CACNA1H: variants seen among roughly 807,000 people sequenced by gnomAD.
The protein encoded by CACNA1H is calcium voltage-gated channel subunit alpha1 H.
Under a neutral mutation model 192.5 loss-of-function variants are expected in CACNA1H, and 149 were observed. The ratio of observed to expected loss-of-function variants is 0.77; its 90% confidence interval spans 0.68 to 0.89. The LOEUF (loss-of-function observed/expected upper bound fraction) is 0.89, where lower values mean the gene tolerates loss of function less well. Among genes scored for constraint, CACNA1H ranks in the 40% least tolerant of loss-of-function variants. CACNA1H has a pLI of 0.00. For missense variants in CACNA1H, 4,257 were observed against 3,423.5 expected (o/e 1.24, Z -6.08); for synonymous variants, 2,202 against 1,475.2 (o/e 1.49, Z -11.29).
At position 1,219,253 on chromosome 16, in the gene CACNA1H, T is replaced by A. The variant is rs952014896; in HGVS notation, c.6048+123T>A. On this transcript the variant is annotated intron_variant, in intron 34 of 34. Transcript: ENST00000348261. ...CAGGAGGAGGGTCGCACTGGGTCCT[T>A]GGGGCTCCGAAGGTTTCTGCCTGCT... 6.2e-6 allele frequency: 6 copies of A among 974,730 alleles called. No individual in the cohort carries two copies. In the African/African-American group the frequency reaches 9.9e-5, roughly 16 times the overall value. The allele number at this position is 974,730 out of a possible 1,614,324, so 60.4% of individuals were successfully genotyped here. A position where few individuals can be genotyped will look rare whatever the true frequency, so the allele number is the denominator to read the frequency against.
chr16:1,174,929 C>T (rs975760355), intron 2 of CACNA1H, among the ~76,000 whole-genome samples: 4 of 120,214 alleles, frequency 3.3e-5, no homozygotes, highest in African/African-American at 1.3e-4. Context: ...TCACCCCCAA[C>T]CCCCACGTCC....
chr16:1,186,036 GTA>G, intron 2 of CACNA1H, among the ~76,000 whole-genome samples: 1 of 128,382 alleles, frequency 7.8e-6, no homozygotes, highest in South Asian at 2.3e-4. Context: ...GGCGGGGTGT[GTA>G]CGGGGCGGGT....
Position 1,153,919 on chromosome 16 carries a change from A to G in CACNA1H, c.182A>G (p.Glu61Gly). 6.9e-7 allele frequency: 1 copy of G among 1,454,064 alleles called. No homozygotes were observed. 90.1% of individuals were successfully genotyped at this position (1,454,064 alleles called of 1,614,324 possible). A position where few individuals can be genotyped will look rare whatever the true frequency, so the allele number is the denominator to read the frequency against. ...AGCCCGGCGGCCGAGCGCGGCGCGG[A>G]GCTGGGTGCCGACGAGGAGCAGCGC... Reference protein sequence around the residue: ...SESPAAERGAELGADEEQRVP... With the variant: ...SESPAAERGAGLGADEEQRVP... The change falls in exon 2 of 35, where the codon GAG becomes GGG. Residue 61 changes from glutamate (E) to glycine (G), a missense_variant. Coordinates refer to ENST00000348261, the MANE Select transcript of CACNA1H (RefSeq NM_021098.3).
rs1338943245 is a variant in CACNA1H, at chr16:1,202,268, A to G, written c.1818A>G (p.Thr606=). 3.2e-6 allele frequency: 5 copies of G among 1,577,190 alleles called. No homozygotes were observed. Among genetic ancestry groups the G allele is most frequent in the Middle Eastern group, 1.7e-4 (1 of 6,014 alleles). Residue 606 remains threonine (T), a synonymous_variant, in exon 9 of 35, where the codon ACA becomes ACG. Coordinates refer to ENST00000348261, the MANE Select transcript of CACNA1H (RefSeq NM_021098.3). ...ATAAASLRLA[T]GLGTMNYPTI... ...CCGCTGCCAGCCTCAGACTGGCCACAGGGCTGGGCACCATGAACTACCCCA... is the reference window on the plus strand; with the variant it reads ...CCGCTGCCAGCCTCAGACTGGCCACGGGGCTGGGCACCATGAACTACCCCA...
At chr16:1,178,797 G>A (rs1485570506) in intron 2 of CACNA1H, among the ~76,000 whole-genome samples, 8 of 152,234 alleles carry the variant, frequency 5.3e-5, no homozygotes, top group Admixed American at 1.3e-4. Context: ...TCCAGAAGTC[G>A]GGGTTGGGGT....
chr16:1,198,945 A>AC (rs1388658062), intron 6 of CACNA1H, 171 bp downstream of exon 6: 13 of 409,958 alleles, frequency 3.2e-5, no homozygotes, highest in African/African-American at 5.9e-5. Flanking sequence ...TCCCGCCCCC[A>AC]CCCCCCATCA....
chr16:1,196,495 G>T (rs992580509), intron 5 of CACNA1H, among the ~76,000 whole-genome samples: 2 of 152,284 alleles, frequency 1.3e-5, no homozygotes, highest in African/African-American at 4.8e-5. Context: ...CCTGTCCTGA[G>T]GACACCTCGC....
intron 29 of CACNA1H, 52 bp from the exon 30 acceptor site, chr16:1,215,471 C>T (rs1008773625): frequency 1.9e-5 from 31 of 1,594,138 alleles, no homozygotes; most frequent in African/African-American, 1.2e-4. Flanking sequence ...AGGGTCCCCG[C>T]GCAGCAGGGA....
chr16:1,210,958 C>G lies in CACNA1H; in HGVS notation c.4210C>G (p.Leu1404Val). The change falls in exon 21 of 35, where the codon CTG becomes GTG. Residue 1404 changes from leucine to valine, a missense_variant. Leu to Val is a conservative substitution (Grantham distance 32). Coordinates refer to ENST00000348261, the MANE Select transcript of CACNA1H (RefSeq NM_021098.3). ...VLRVLRLLRT[L>V]RPLRVISRAP... Reference sequence around the variant, plus strand: ...GCGCGTGCTGCGTCTGCTGCGGACCCTGCGGCCTCTGAGGTGGGGGGCTCC... The same window carrying G: ...GCGCGTGCTGCGTCTGCTGCGGACCGTGCGGCCTCTGAGGTGGGGGGCTCC... 1 of 1,596,720 alleles carries G rather than the reference C, an allele frequency of 6.3e-7. No individual in the cohort carries two copies. Among genetic ancestry groups the G allele is most frequent in the Non-Finnish European group, 8.5e-7 (1 of 1,177,342 alleles).
chr16:1,156,484 T>A (rs1375493534), intron 2 of CACNA1H, among the ~76,000 whole-genome samples: 1 of 152,080 alleles, frequency 6.6e-6, no homozygotes. Flanking sequence ...GCTGAGGCTT[T>A]CCAGAGCGCT....
chr16:1,184,838 C>T (rs1437930870), intron 2 of CACNA1H, among the ~76,000 whole-genome samples: 3 of 152,252 alleles, frequency 2.0e-5, no homozygotes, highest in African/African-American at 7.2e-5. Flanking sequence ...AAAGGCAAAG[C>T]TGGGAACGCA....
chr16:1,207,461 G>C (rs1466945068), intron 14 of CACNA1H, 31 bp downstream of exon 14: 5 of 1,605,356 alleles, frequency 3.1e-6, no homozygotes, highest in Non-Finnish European at 4.3e-6. Context: ...GCTGCCAGGA[G>C]GAGGGCGATG....
chr16:1,190,663 T>C (rs1441173763), intron 2 of CACNA1H, among the ~76,000 whole-genome samples: 3 of 152,228 alleles, frequency 2.0e-5, no homozygotes, highest in Non-Finnish European at 4.4e-5. Context: ...CCCCAGACCC[T>C]GCTATACCAC....
rs1163980047 is a variant in CACNA1H at position 1,218,383 on chromosome 16, T to A, written c.5619T>A (p.Asp1873Glu). ...LEESNKEARE[D>E]AELDAEIELE... is the part of the protein sequence containing the mutation. ...AGAGCAACAAGGAGGCACGGGAGGATGCGGAGCTGGACGCCGAGATCGAGC... is the reference window on the plus strand; with the variant it reads ...AGAGCAACAAGGAGGCACGGGAGGAAGCGGAGCTGGACGCCGAGATCGAGC... Residue 1873 changes from aspartate (D) to glutamate (E), a missense_variant, in exon 33 of 35, where the codon GAT (aspartate) becomes GAA (glutamate). Physicochemically the swap from Asp to Glu is conservative, Grantham distance 45 (BLOSUM62 2). Coordinates refer to ENST00000348261, the MANE Select transcript of CACNA1H (RefSeq NM_021098.3). 5 of 1,560,822 alleles carry A rather than the reference T, an allele frequency of 3.2e-6. No individual in the cohort carries two copies. The highest frequency in any genetic ancestry group is 1.7e-6 in the Non-Finnish European group (2 of 1,153,474).
Position 1,198,912 on chromosome 16 carries a change from A to G in CACNA1H, c.803+138A>G, listed in dbSNP as rs1047357313. Reference sequence around the variant, plus strand: ...CCGCCCCGCCACTGCTGTCCCCGTCATGGCTCCGTCCACCATGCTGTCTCC... The same window carrying G: ...CCGCCCCGCCACTGCTGTCCCCGTCGTGGCTCCGTCCACCATGCTGTCTCC... On this transcript the variant is annotated intron_variant, in intron 6 of 34. Transcript: ENST00000348261. The G allele has an allele frequency of 1.8e-5, 14 of 763,386 alleles. No homozygotes were observed. In the African/African-American group the frequency reaches 1.9e-4, roughly 10 times the overall value. 47.3% of individuals were successfully genotyped at this position (763,386 alleles called of 1,614,324 possible). A position where few individuals can be genotyped will look rare whatever the true frequency, so the allele number is the denominator to read the frequency against.
In CACNA1H at chr16:1,186,556, C is replaced by T. The variant is rs1367148348; in HGVS notation, c.300-8416C>T. Among the ~76,000 whole-genome samples, 5 of 152,222 alleles carry T rather than the reference C, an allele frequency of 3.3e-5. No individual in the cohort carries two copies. In the East Asian group the frequency reaches 9.7e-4, roughly 29 times the overall value. ...CTCCGGCGATTCCCTGGGAACGTCT[C>T]TGTACCTCTGCACACGTGCCCACAC... On this transcript the variant is annotated intron_variant, in intron 2 of 34. Coordinates refer to ENST00000348261, the MANE Select transcript of CACNA1H (RefSeq NM_021098.3).
At chr16:1,211,116 C>G (rs2141345094) in intron 21 of CACNA1H, 52 bp from the exon 22 acceptor site, 1 of 1,596,812 alleles carries the variant, frequency 6.3e-7, no homozygotes, top group East Asian at 2.2e-5. Context: ...TCTGCCGGCG[C>G]CTGGCAGCTG....
rs754161411 is a variant in CACNA1H at position 1,200,458 on chromosome 16, G to A, written c.1006G>A (p.Ala336Thr). 45 of 1,611,712 alleles carry A rather than the reference G, an allele frequency of 2.8e-5. No individual in the cohort carries two copies. The highest frequency in any genetic ancestry group is 2.5e-4 in the South Asian group (23 of 91,084). Residue 336 changes from alanine to threonine, a missense_variant, in exon 7 of 35, where the codon GCC becomes ACC. Coordinates refer to ENST00000348261, the MANE Select transcript of CACNA1H (RefSeq NM_021098.3). ...CGAGGGGGTGGGCGCTGCACGCAACGCCTGCATCAACTGGAACCAGTACTA... is the reference window on the plus strand; with the variant it reads ...CGAGGGGGTGGGCGCTGCACGCAACACCTGCATCAACTGGAACCAGTACTA... ...QAEGVGAARN[A>T]CINWNQYYNV... is the part of the protein sequence containing the mutation.
chr16:1,167,092 C>G lies in CACNA1H; in HGVS notation c.299+13056C>G, dbSNP rs540639517. On this transcript the variant is annotated intron_variant, in intron 2 of 34. Coordinates refer to ENST00000348261, the MANE Select transcript of CACNA1H (RefSeq NM_021098.3). The surrounding 1 kb of genome is among the most constrained non-coding windows in gnomAD (Gnocchi z 4.2). The stretch of plus-strand genomic sequence containing the variant: ...TTCAGCAGCAGTGAGTGCTGACAAC[C>G]ACACCCAGCCGGAGTCCAGGGCTGT... Among the ~76,000 whole-genome samples, 7 of 152,356 alleles carry G rather than the reference C, an allele frequency of 4.6e-5. No individual in the cohort carries two copies. The East Asian group carries it at 1.4e-3, about 29-fold the overall frequency.
Sources: gnomAD v4.1 joint callset for allele counts (sites outside exome capture counted in the v4.1 genomes callset) on GRCh38, gnomAD v4.1.1 for gene constraint, Gnocchi (gnomAD v3.1) non-coding constraint, MANE v1.5 for transcripts, NCBI Gene and HGNC (gene_info 2026-07-23, HGNC 2026-07-21) for gene names.